ZFYVE16: variants seen among roughly 807,000 people sequenced by gnomAD.
ZFYVE16 encodes the protein zinc finger FYVE-type containing 16, also known as zinc finger FYVE domain-containing protein 16.
ZFYVE16 carries 89 observed loss-of-function variants against 138.1 expected under a neutral mutation model. The observed-to-expected ratio is 0.64, with a 90% confidence interval of 0.54 to 0.77. The LOEUF (loss-of-function observed/expected upper bound fraction) is 0.77. Ranked by LOEUF, ZFYVE16 falls within the 30% of genes least tolerant of loss-of-function variation. The pLI is 0.00. For synonymous variants in ZFYVE16, 596 were observed against 618.3 expected, an observed-to-expected ratio of 0.96 and a Z score of 0.53; for missense variants, 1,793 against 1,786.7, an observed-to-expected ratio of 1.00 and a Z score of -0.06.
chr5:80,426,019 G>T (rs1419267143), intron 1 of ZFYVE16, among the ~76,000 whole-genome samples: 1 of 151,856 alleles, frequency 6.6e-6, no homozygotes, highest in African/African-American at 2.4e-5. Flanking sequence ...TAATTATTTT[G>T]TTACAAAGTA....
chr5:80,481,830 T>TTA lies in ZFYVE16; in HGVS notation c.*4454_*4455insAT, dbSNP rs927088815. Among the ~76,000 whole-genome samples the TTA allele has an allele frequency of 6.6e-6, 1 of 152,134 alleles. No individual in the cohort carries two copies. The highest frequency in any genetic ancestry group is 2.4e-5 in the African/African-American group (1 of 41,428). On this transcript the variant is annotated 3_prime_UTR_variant, in exon 19 of 19. Coordinates refer to ENST00000505560, the MANE Select transcript of ZFYVE16 (RefSeq NM_001284236.3). ...GACTTAAAACTAGTTATTTTATTTT[T>TTA]TTTATTTATTTTTGAGACAGTCTCT...
rs1468503650 is a variant in ZFYVE16 at position 80,437,508 on chromosome 5, G to T, written c.823G>T (p.Val275Phe). ...CCAGCCATGTGGATTACTAAAAGAT[G>T]TTGGCTTAGTAAAAGAGGAAGTAGA... ...KSQPCGLLKD[V>F]GLVKEEVDVA... Residue 275 changes from valine (V) to phenylalanine (F), a missense_variant, in exon 4 of 19, where the codon GTT (valine) becomes TTT (phenylalanine). Val to Phe is a conservative substitution (Grantham distance 50, BLOSUM62 -1). Transcript: ENST00000505560. 1 of 1,613,188 alleles carries T rather than the reference G, an allele frequency of 6.2e-7. No homozygotes were observed.
intron 3 of ZFYVE16, 142 bp downstream of exon 3, chr5:80,434,359 A>G: frequency 4.0e-6 from 3 of 747,266 alleles, no homozygotes; most frequent in South Asian, 4.0e-5. Context: ...TTATTTCATA[A>G]TAAGATGTTA....
chr5:80,440,090 G>A, intron 5 of ZFYVE16, 58 bp downstream of exon 5: 2 of 1,530,368 alleles, frequency 1.3e-6, no homozygotes, highest in Non-Finnish European at 1.8e-6. Flanking sequence ...AAAATTAATT[G>A]GATTGTGACA....
chr5:80,459,167 A>G lies in ZFYVE16; in HGVS notation c.3944-247A>G, dbSNP rs1041941591. Among the ~76,000 whole-genome samples, 4 of 152,194 alleles carry G rather than the reference A, an allele frequency of 2.6e-5. 1 individual carries two copies. The highest frequency in any genetic ancestry group is 9.6e-5 in the African/African-American group (4 of 41,454). On this transcript the variant is annotated intron_variant, in intron 14 of 18. Coordinates refer to ENST00000505560, the MANE Select transcript of ZFYVE16 (RefSeq NM_001284236.3). The stretch of plus-strand genomic sequence containing the variant: ...AGTCTCAAACTCTTGACCTCAGGTG[A>G]TCTGCCCTTTTCGGCCTCCCAAAGT...
chr5:80,409,695 G>T (rs1231239428), intron 1 of ZFYVE16: 2 of 152,196 alleles, frequency 1.3e-5, no homozygotes, highest in Non-Finnish European at 2.9e-5. Flanking sequence ...GGTTTAGGTT[G>T]AAGCATATGA....
At position 80,447,479 on chromosome 5, in the gene ZFYVE16, A is replaced by G. The variant is rs1386895705; in HGVS notation, c.2725-547A>G. On this transcript the variant is annotated intron_variant, in intron 7 of 18. Coordinates refer to ENST00000505560, the MANE Select transcript of ZFYVE16 (RefSeq NM_001284236.3). ...CAACAGGCTAGTAAATATTGAGTTC[A>G]TAAATGGTTCTTATTTAATACTGAC... is the stretch of plus-strand genomic sequence containing the variant. Among the ~76,000 whole-genome samples, 5 of 152,312 alleles carry G rather than the reference A, an allele frequency of 3.3e-5. 1 individual carries two copies. The highest frequency in any genetic ancestry group is 3.3e-4 in the Admixed American group (5 of 15,302).
chr5:80,449,582 A>C lies in ZFYVE16; in HGVS notation c.3104-9A>C. 1 of 1,601,572 alleles carries C rather than the reference A, an allele frequency of 6.2e-7. No homozygotes were observed. Among genetic ancestry groups the C allele is most frequent in the Non-Finnish European group, 8.5e-7 (1 of 1,176,338 alleles). On this transcript the variant is annotated splice_polypyrimidine_tract_variant and intron_variant, in intron 8 of 18. Transcript: ENST00000505560. ...TTATCCTGATTAATATATTACTTTCATCATTTAGTGCCTGTAGTAGAAGAA... is the reference window on the plus strand; with the variant it reads ...TTATCCTGATTAATATATTACTTTCCTCATTTAGTGCCTGTAGTAGAAGAA...
At chr5:80,441,128 T>C (rs1324216435) in intron 5 of ZFYVE16, 5 of 985,386 alleles carry the variant, frequency 5.1e-6, no homozygotes, top group Admixed American at 6.1e-5. Context: ...CTGCTGGTGC[T>C]GTTAGCCAAG....
Position 80,434,170 on chromosome 5 carries a change from C to T in ZFYVE16, c.23C>T (p.Ala8Val). 6.2e-7 allele frequency: 1 copy of T among 1,613,352 alleles called. No individual in the cohort carries two copies. Among genetic ancestry groups the T allele is most frequent in the Non-Finnish European group, 8.5e-7 (1 of 1,179,528 alleles). MDSYFKA[A>V]VSDLDKLLDD... The stretch of plus-strand genomic sequence containing the variant: ...AGGATGGACAGTTATTTTAAAGCAG[C>T]TGTCAGTGACTTGGACAAACTCCTT... Residue 8 changes from alanine (A) to valine (V), a missense_variant, in exon 3 of 19, where the codon GCT becomes GTT. Transcript: ENST00000505560.
intron 15 of ZFYVE16, among the ~76,000 whole-genome samples, chr5:80,470,052 T>G (rs1271017435): frequency 6.6e-6 from 1 of 150,812 alleles, no homozygotes; most frequent in Non-Finnish European, 1.5e-5. Context: ...TATGTGTGTG[T>G]GTGTATATAT....
chr5:80,437,421 T>C lies in ZFYVE16; in HGVS notation c.736T>C (p.Ser246Pro). 6.2e-7 allele frequency: 1 copy of C among 1,604,840 alleles called. No individual in the cohort carries two copies. The highest frequency in any genetic ancestry group is 8.5e-7 in the Non-Finnish European group (1 of 1,176,680). ...LESIVDFNMS[S>P]ALTRQSSKMF... ...ATCAATTGTTGATTTTAACATGTCA[T>C]CTGCTTTGACTCGACAAAGTTCCAA... is the stretch of plus-strand genomic sequence containing the variant. The change falls in exon 4 of 19, where the codon TCT becomes CCT. Residue 246 changes from serine to proline, a missense_variant. Ser to Pro is a moderately conservative substitution (Grantham distance 74, BLOSUM62 -1). Coordinates refer to ENST00000505560, the MANE Select transcript of ZFYVE16 (RefSeq NM_001284236.3).
intron 2 of ZFYVE16, among the ~76,000 whole-genome samples, chr5:80,431,815 G>C (rs1002662364): frequency 3.3e-5 from 5 of 152,178 alleles, no homozygotes; most frequent in African/African-American, 1.2e-4. Context: ...GCCAAATCAT[G>C]AGTGAACTCC....
intron 1 of ZFYVE16, chr5:80,409,752 C>G (rs1745151436): frequency 6.6e-6 from 1 of 152,194 alleles, no homozygotes; most frequent in Admixed American, 6.5e-5. Context: ...AAGCGAGGAT[C>G]TTACAAGCCT....
In ZFYVE16 at chr5:80,436,915, A is replaced by G; in HGVS notation, c.230A>G (p.Glu77Gly). The part of the protein sequence containing the change: ...ASSETSYGTN[E>G]SSLNEKTLKG... Reference sequence around the variant, plus strand: ...TCAGAAACAAGCTATGGAACAAATGAGAGTTCCCTGAATGAAAAAACACTC... The same window carrying G: ...TCAGAAACAAGCTATGGAACAAATGGGAGTTCCCTGAATGAAAAAACACTC... The change falls in exon 4 of 19, where the codon GAG becomes GGG. Residue 77 changes from glutamate (E) to glycine (G), a missense_variant. Glu to Gly is a moderately conservative substitution (Grantham distance 98). Transcript: ENST00000505560. 1 of 1,614,164 alleles carries G rather than the reference A, an allele frequency of 6.2e-7. No individual in the cohort carries two copies. Among genetic ancestry groups the G allele is most frequent in the South Asian group, 1.1e-5 (1 of 91,086 alleles).
At chr5:80,451,326 TAAG>T (rs1209085463) in intron 10 of ZFYVE16, among the ~76,000 whole-genome samples, 156 bp from the exon 11 acceptor site, 1 of 151,998 alleles carries the variant, frequency 6.6e-6, no homozygotes, top group Non-Finnish European at 1.5e-5. Context: ...AGAACAGAAA[TAAG>T]AAAAAAAATC....
intron 1 of ZFYVE16, among the ~76,000 whole-genome samples, chr5:80,425,201 C>T (rs1168244156): frequency 6.6e-6 from 1 of 152,130 alleles, no homozygotes; most frequent in East Asian, 1.9e-4. Context: ...TACCTTTTAA[C>T]CTAGTTTTTG....
intron 1 of ZFYVE16, among the ~76,000 whole-genome samples, chr5:80,420,049 A>G (rs775615592): frequency 2.0e-5 from 3 of 150,468 alleles, no homozygotes; most frequent in Non-Finnish European, 4.4e-5. Flanking sequence ...TGACCTCGTG[A>G]TCTGCCCACC....
At position 80,473,716 on chromosome 5, in the gene ZFYVE16, GTGCTA is replaced by G. The variant is rs759433424; in HGVS notation, c.4188-37_4188-33del. On this transcript the variant is annotated intron_variant, in intron 16 of 18. Transcript: ENST00000505560. Reference sequence around the variant, plus strand: ...AATAATTCATTTCAAAAACACATTGGTGCTAATAATTCTATTGTATTATGTTTTAT... The same window carrying G: ...AATAATTCATTTCAAAAACACATTGGATAATTCTATTGTATTATGTTTTAT... The G allele has an allele frequency of 4.3e-6, 6 of 1,409,534 alleles. No homozygotes were observed. The East Asian group carries it at 1.4e-4, about 34-fold the overall frequency. 87.3% of individuals were successfully genotyped at this position (1,409,534 alleles called of 1,614,324 possible).
Sources: allele counts gnomAD v4.1 joint callset (sites outside exome capture counted in the v4.1 genomes callset), GRCh38; gene constraint gnomAD v4.1.1; transcripts MANE v1.5; gene names NCBI Gene and HGNC (gene_info 2026-07-23, HGNC 2026-07-21).